TBC1D19: variants seen among roughly 807,000 people sequenced by gnomAD.
TBC1D19 encodes the protein TBC1 domain family, member 19.
Under a neutral mutation model 89.0 loss-of-function variants are expected in TBC1D19, and 60 were observed. That is an observed-to-expected ratio of 0.67 (90% confidence interval 0.55 to 0.84). The LOEUF is 0.84. Among genes scored for constraint, TBC1D19 ranks in the 40% least tolerant of loss-of-function variants. TBC1D19 has a pLI of 0.00. For synonymous variants in TBC1D19, 189 were observed against 199.7 expected (o/e 0.95, Z 0.45); for missense variants, 500 against 610.8 (o/e 0.82, Z 1.91).
downstream of TBC1D19, among the ~76,000 whole-genome samples, chr4:26,759,047 T>C (rs1719369490): frequency 6.6e-6 from 1 of 152,202 alleles, no homozygotes; most frequent in Non-Finnish European, 1.5e-5. Context: ...TTCTCTTCCC[T>C]CTTTACCTAA....
At chr4:26,589,200 G>A (rs532524493) in intron 1 of TBC1D19, among the ~76,000 whole-genome samples, 66 of 152,014 alleles carry the variant, frequency 4.3e-4, no homozygotes, top group African/African-American at 1.4e-3. Flanking sequence ...GCTTGAACCC[G>A]GGAGGTGGAG....
intron 2 of TBC1D19, 73 bp from the exon 3 acceptor site, chr4:26,614,335 T>C (rs1741547130): frequency 5.5e-6 from 6 of 1,098,070 alleles, no homozygotes; most frequent in Non-Finnish European, 7.8e-6. Flanking sequence ...TTTATTGAGA[T>C]AAATTTAATT....
At chr4:26,584,438 CA>C in intron 1 of TBC1D19, 146 bp downstream of exon 1, 1 of 704,822 alleles carries the variant, frequency 1.4e-6, no homozygotes, top group Non-Finnish European at 2.3e-6. Flanking sequence ...AAAACAAAAA[CA>C]AAAACAAAAA....
chr4:26,734,944 GTATACACATATGTATATGTA>G (rs1717889236), intron 15 of TBC1D19, among the ~76,000 whole-genome samples: 1 of 58,164 alleles, frequency 1.7e-5, no homozygotes, highest in South Asian at 6.4e-4. Context: ...GTGTATATAT[GTATACACATATGTATATGTA>G]TATATGTATA....
At chr4:26,727,320 A>T (rs7672457) in intron 15 of TBC1D19, among the ~76,000 whole-genome samples, 1 of 152,192 alleles carries the variant, frequency 6.6e-6, no homozygotes, top group Non-Finnish European at 1.5e-5. Context: ...TTATGCCTCC[A>T]GATTTTGTTT....
intron 20 of TBC1D19, 86 bp from the exon 21 acceptor site, chr4:26,754,787 A>T: frequency 2.0e-6 from 2 of 992,460 alleles, no homozygotes; most frequent in Non-Finnish European, 1.4e-6. Context: ...GAAGGAGCTT[A>T]GTGTCAAAAT....
At chr4:26,846,494 T>G in the TBC1D19 span, among the ~76,000 whole-genome samples, 1 of 152,310 alleles carries the variant, frequency 6.6e-6, no homozygotes, top group East Asian at 1.9e-4. Context: ...ATCTAAAAAA[T>G]TCTCCCATTG....
At position 26,686,256 on chromosome 4, in the gene TBC1D19, T is replaced by C. The variant is rs1165543313; in HGVS notation, c.892-2089T>C. ...GAACAAGGCAATGTTACAAAATCCA[T>C]GGTCAAATAGCTCAAACAGTCTACA... On this transcript the variant is annotated intron_variant, in intron 12 of 20. Transcript: ENST00000264866. Among the ~76,000 whole-genome samples the C allele has an allele frequency of 3.9e-5, 6 of 152,314 alleles. No individual in the cohort carries two copies. In the East Asian group the frequency reaches 1.2e-3, roughly 29 times the overall value.
intron 3 of TBC1D19, among the ~76,000 whole-genome samples, chr4:26,618,920 CTG>C (rs1486088729): frequency 2.0e-5 from 3 of 152,148 alleles, no homozygotes; most frequent in Admixed American, 6.5e-5. Context: ...GTATAAGTTT[CTG>C]TGCATTTTTC....
the TBC1D19 span, among the ~76,000 whole-genome samples, chr4:26,818,208 T>A: frequency 6.6e-6 from 1 of 152,016 alleles, no homozygotes; most frequent in Non-Finnish European, 1.5e-5. Context: ...AATTTTTTCT[T>A]TCAATTTTTA....
At chr4:26,589,077 C>A (rs1267218137) in intron 1 of TBC1D19, among the ~76,000 whole-genome samples, 1 of 152,074 alleles carries the variant, frequency 6.6e-6, no homozygotes, top group Non-Finnish European at 1.5e-5. Context: ...GAGTTTGAGA[C>A]CAGCCTCGCC....
the TBC1D19 span, among the ~76,000 whole-genome samples, chr4:26,823,355 C>G: frequency 5.9e-5 from 9 of 152,186 alleles, no homozygotes; most frequent in Non-Finnish European, 7.3e-5. Flanking sequence ...AAACATATCT[C>G]AAACCCATCC....
intron 19 of TBC1D19, among the ~76,000 whole-genome samples, chr4:26,751,463 T>TA (rs1224332732): frequency 1.3e-5 from 2 of 152,206 alleles, no homozygotes; most frequent in Non-Finnish European, 2.9e-5. Flanking sequence ...TAGGAAGTGG[T>TA]AAAAAATTGT....
the TBC1D19 span, among the ~76,000 whole-genome samples, chr4:26,786,489 C>T: frequency 6.6e-6 from 1 of 152,050 alleles, no homozygotes; most frequent in Admixed American, 6.6e-5. Flanking sequence ...AAAAAATTAG[C>T]CAGGCATGGT....
At chr4:26,586,454 T>C (rs1054232283) in intron 1 of TBC1D19, among the ~76,000 whole-genome samples, 2 of 152,130 alleles carry the variant, frequency 1.3e-5, no homozygotes, top group Admixed American at 6.5e-5. Flanking sequence ...CTAGGTCCTT[T>C]GCTTTGCTAT....
chr4:26,718,882 G>A (rs1390455643), intron 14 of TBC1D19, among the ~76,000 whole-genome samples: 1 of 152,020 alleles, frequency 6.6e-6, no homozygotes, highest in Admixed American at 6.6e-5. Context: ...TTGACCAGTT[G>A]ATACTGTCCT....
At chr4:26,748,878 C>T (rs1258287807) in intron 19 of TBC1D19, among the ~76,000 whole-genome samples, 2 of 152,050 alleles carry the variant, frequency 1.3e-5, no homozygotes, top group Non-Finnish European at 2.9e-5. Flanking sequence ...TCTGGACTCC[C>T]CTGGCTACCT....
At chr4:26,804,092 C>T in the TBC1D19 span, among the ~76,000 whole-genome samples, 1 of 138,660 alleles carries the variant, frequency 7.2e-6, no homozygotes, top group Non-Finnish European at 1.6e-5. Context: ...GAAACAGAAA[C>T]AAAAAAAAAA....
At chr4:26,679,157 C>G (rs1180702181) in intron 11 of TBC1D19, among the ~76,000 whole-genome samples, 1 of 152,124 alleles carries the variant, frequency 6.6e-6, no homozygotes, top group Non-Finnish European at 1.5e-5. Context: ...GAAAATGCCT[C>G]CAGGGCATGT....
Sources: gnomAD v4.1 joint callset for allele counts (sites outside exome capture counted in the v4.1 genomes callset) on GRCh38, gnomAD v4.1.1 for gene constraint, MANE v1.5 for transcripts, NCBI Gene and HGNC (gene_info 2026-07-23, HGNC 2026-07-21) for gene names.